The following FKBP11 variants were observed in gnomAD, a reference collection of about 807,000 sequenced individuals.
The protein encoded by FKBP11 is FKBP prolyl isomerase 11.
FKBP11 carries 21 observed loss-of-function variants against 24.7 expected under a neutral mutation model. The observed-to-expected ratio is 0.85, with a 90% confidence interval of 0.60 to 1.23. The LOEUF is 1.23. Ranked by LOEUF, FKBP11 falls within the 50% of genes most tolerant of loss-of-function variation. The pLI is 0.00. For synonymous variants in FKBP11, 106 were observed against 100.6 expected, an observed-to-expected ratio of 1.05 and a Z score of -0.32; for missense variants, 245 against 248.7, an observed-to-expected ratio of 0.99 and a Z score of 0.10.
At chr12:48,932,407 C>G in the FKBP11 span, among the ~76,000 whole-genome samples, 2 of 149,226 alleles carry the variant, frequency 1.3e-5, no homozygotes, top group African/African-American at 5.0e-5. Context: ...GCCACCATGC[C>G]TGGCCTGGTG....
upstream of FKBP11, among the ~76,000 whole-genome samples, chr12:48,928,818 C>CTTTTTTTTTTTTTTTT (rs1196484675): frequency 3.9e-4 from 37 of 94,246 alleles, no homozygotes; most frequent in African/African-American, 1.4e-3. Context: ...AAACTTCTAT[C>CTTTTTTTTTTTTTTTT]TTTTTTTTTT....
chr12:48,924,138 C>G, intron 4 of FKBP11, 85 bp downstream of exon 4: 1 of 1,512,112 alleles, frequency 6.6e-7, no homozygotes, highest in Non-Finnish European at 9.2e-7. Context: ...ATTCCACATT[C>G]TCCTGCTTAA....
the FKBP11 span, chr12:48,937,001 C>A: frequency 6.6e-6 from 1 of 152,072 alleles, no homozygotes; most frequent in African/African-American, 2.4e-5. Flanking sequence ...ACCCCCCCCA[C>A]AACCACCACA....
upstream of FKBP11, among the ~76,000 whole-genome samples, chr12:48,927,834 G>C (rs902625487): frequency 6.6e-6 from 1 of 152,056 alleles, no homozygotes; most frequent in Non-Finnish European, 1.5e-5. Context: ...AGAAGCATAA[G>C]TCCTTGTTAA....
chr12:48,922,195 GCA>G lies in FKBP11; in HGVS notation c.393_394del (p.Ala132SerfsTer5). The G allele has an allele frequency of 6.2e-7, 1 of 1,611,308 alleles. No individual in the cohort carries two copies. Among genetic ancestry groups the G allele is most frequent in the Non-Finnish European group, 8.5e-7 (1 of 1,178,000 alleles). ...CAGCTCCACGTCATACTGCACCACT[GCA>G]TCCGCTGGAGAGGCAGAGGGGTGGA... On this transcript the variant is annotated frameshift_variant, in exon 6 of 6. Transcript: ENST00000550765. LOFTEE classifies it high-confidence loss of function.
At chr12:48,931,195 C>CA (rs199925302), upstream of FKBP11, among the ~76,000 whole-genome samples, 1 of 137,328 alleles carries the variant, frequency 7.3e-6, no homozygotes, top group East Asian at 2.2e-4. Context: ...CAGACTAAGG[C>CA]AGTGGGAACA....
intron 5 of FKBP11, chr12:48,923,132 GA>G (rs1453373871): frequency 2.7e-6 from 3 of 1,097,102 alleles, no homozygotes; most frequent in Non-Finnish European, 2.3e-6. Flanking sequence ...TGGGCAACAA[GA>G]GTGAAACTCC....
chr12:48,932,029 G>T, the FKBP11 span, among the ~76,000 whole-genome samples: 8 of 150,300 alleles, frequency 5.3e-5, no homozygotes, highest in Non-Finnish European at 1.0e-4. Context: ...ATTTTTTTTT[G>T]GCCGGGCACA....
the FKBP11 span, chr12:48,938,291 C>G: frequency 2.3e-6 from 1 of 431,404 alleles, no homozygotes; most frequent in Non-Finnish European, 4.7e-6. Context: ...GGTAACCAGT[C>G]AAAGACTGGG....
chr12:48,927,044 G>A (rs919086469), upstream of FKBP11, among the ~76,000 whole-genome samples: 3 of 152,242 alleles, frequency 2.0e-5, no homozygotes, highest in African/African-American at 2.4e-5. Context: ...TGCTGACCTC[G>A]TGATCCGCCA....
At chr12:48,938,126 G>C in the FKBP11 span, 13 of 326,852 alleles carry the variant, frequency 4.0e-5, no homozygotes, top group Admixed American at 4.7e-4. Flanking sequence ...CCAACAGTAA[G>C]GCAGAGCAGA....
Position 48,922,030 on chromosome 12 carries a change from T to C in FKBP11, c.560A>G (p.Lys187Arg), listed in dbSNP as rs963815691. 2 of 1,612,676 alleles carry C rather than the reference T, an allele frequency of 1.2e-6. No homozygotes were observed. The highest frequency in any genetic ancestry group is 2.7e-5 in the African/African-American group (2 of 74,922). Reference protein sequence around the residue: ...YRKANRPKVSKKKLKEEKRNK... With the variant: ...YRKANRPKVSRKKLKEEKRNK... ...TCGTTTCTCTTCCTTGAGCTTCTTT[T>C]TGGAGACTTTGGGTCTATTGGCCTT... is the stretch of plus-strand genomic sequence containing the variant. Residue 187 changes from lysine to arginine, a missense_variant, in exon 6 of 6, where the codon AAA (lysine) becomes AGA (arginine). Lys to Arg is a conservative substitution (Grantham distance 26). Coordinates refer to ENST00000550765, the MANE Select transcript of FKBP11 (RefSeq NM_016594.3).
intron 5 of FKBP11, 165 bp downstream of exon 5, chr12:48,923,617 T>C (rs931776133): frequency 1.3e-6 from 2 of 1,555,874 alleles, no homozygotes; most frequent in Non-Finnish European, 1.7e-6. Context: ...GTTGGTGATA[T>C]GAGGAGGAAA....
At chr12:48,928,524 G>A (rs888700470), upstream of FKBP11, among the ~76,000 whole-genome samples, 5 of 152,044 alleles carry the variant, frequency 3.3e-5, no homozygotes, top group African/African-American at 1.2e-4. Flanking sequence ...GTCTTGCCCA[G>A]GCTGGAGTGT....
chr12:48,926,564 T>C (rs1302820182), upstream of FKBP11: 1 of 145,362 alleles, frequency 6.9e-6, no homozygotes, highest in Non-Finnish European at 1.5e-5. Flanking sequence ...TTTGCTCCTG[T>C]TGCCCAGGCT....
At chr12:48,931,664 C>T in the FKBP11 span, 1 of 576,568 alleles carries the variant, frequency 1.7e-6, no homozygotes, top group South Asian at 2.2e-5. Flanking sequence ...ACTCATGGGG[C>T]ACCCACCATG....
Position 48,925,262 on chromosome 12 carries a change from C to T in FKBP11, c.129+38G>A, listed in dbSNP as rs1939936843. ...CCCAGTATTACCACCCAACAAGGCTCGGCCCACGGGGGCTGAGGGTCGGGA... is the reference window on the plus strand; with the variant it reads ...CCCAGTATTACCACCCAACAAGGCTTGGCCCACGGGGGCTGAGGGTCGGGA... On this transcript the variant is annotated intron_variant, in intron 1 of 5. Transcript: ENST00000550765. 3 of 1,605,076 alleles carry T rather than the reference C, an allele frequency of 1.9e-6. No homozygotes were observed. In the East Asian group the frequency reaches 6.7e-5, roughly 36 times the overall value.
the FKBP11 span, among the ~76,000 whole-genome samples, chr12:48,932,287 T>C: frequency 4.9e-5 from 3 of 61,012 alleles, no homozygotes; most frequent in Non-Finnish European, 1.0e-4. Context: ...TTTTTTTTTT[T>C]TTTCTTATAG....
the FKBP11 span, among the ~76,000 whole-genome samples, chr12:48,933,360 G>A: frequency 6.6e-6 from 1 of 152,172 alleles, no homozygotes; most frequent in Non-Finnish European, 1.5e-5. Flanking sequence ...TGGAAAGTGA[G>A]AGAACTGAAT....
Sources: allele counts gnomAD v4.1 joint callset (sites outside exome capture counted in the v4.1 genomes callset), GRCh38; gene constraint gnomAD v4.1.1; transcripts MANE v1.5; gene names NCBI Gene and HGNC (gene_info 2026-07-23, HGNC 2026-07-21).